ZC3H12B: variants seen among roughly 807,000 people sequenced by gnomAD.
The protein encoded by ZC3H12B is probable ribonuclease ZC3H12B.
ZC3H12B carries 7 observed loss-of-function variants against 43.9 expected under a neutral mutation model. That is an observed-to-expected ratio of 0.16 (90% CI 0.09 to 0.30). The LOEUF (loss-of-function observed/expected upper bound fraction) is 0.30. Among genes scored for constraint, ZC3H12B ranks in the 10% least tolerant of loss-of-function variants. The probability of loss-of-function intolerance (pLI) is 1.00; values close to 1 mark genes in which losing one functional copy is unlikely to be tolerated. For missense variants in ZC3H12B, 475 were observed against 670.2 expected (o/e 0.71, Z 3.22); for synonymous variants, 222 against 241.7 (o/e 0.92, Z 0.76).
intron 3 of ZC3H12B, among the ~76,000 whole-genome samples, chrX:65,417,305 C>T (rs2066973133): frequency 9.0e-6 from 1 of 111,621 alleles, no homozygotes; most frequent in African/African-American, 3.2e-5. Flanking sequence ...AGAATTTTTC[C>T]TTTGAGTGAA....
At chrX:65,453,978 G>T (rs1390797667) in intron 3 of ZC3H12B, among the ~76,000 whole-genome samples, 1 of 112,014 alleles carries the variant, frequency 8.9e-6, no homozygotes, top group Non-Finnish European at 1.9e-5. Flanking sequence ...CACTGCTCGG[G>T]TGATGAGTGC....
At chrX:65,438,682 G>A (rs960808087) in intron 3 of ZC3H12B, among the ~76,000 whole-genome samples, 10 of 113,254 alleles carry the variant, frequency 8.8e-5, no homozygotes, top group African/African-American at 3.2e-4. Flanking sequence ...GAAATGAAAG[G>A]ATGGGCCAAA....
At chrX:65,288,008 A>C in the ZC3H12B span, among the ~76,000 whole-genome samples, 4 of 108,499 alleles carry the variant, frequency 3.7e-5, no homozygotes, top group Non-Finnish European at 7.6e-5. Flanking sequence ...ATATATATAT[A>C]TCACCAGAGA....
chrX:65,413,481 G>A (rs2066927478), intron 3 of ZC3H12B, among the ~76,000 whole-genome samples: 1 of 110,850 alleles, frequency 9.0e-6, no homozygotes. Context: ...GTGAAGTAGG[G>A]GTCAAACTTT....
At chrX:65,107,717 C>T in the ZC3H12B span, among the ~76,000 whole-genome samples, 3 of 110,828 alleles carry the variant, frequency 2.7e-5, no homozygotes, top group Non-Finnish European at 5.7e-5. Flanking sequence ...AAGGGGCTTT[C>T]CCCCTACGGC....
the ZC3H12B span, among the ~76,000 whole-genome samples, chrX:65,361,238 A>T: frequency 8.9e-6 from 1 of 112,390 alleles, no homozygotes; most frequent in Non-Finnish European, 1.9e-5. Flanking sequence ...TTTGTGTTTG[A>T]TAATTTACTT....
At chrX:65,192,207 A>G in the ZC3H12B span, among the ~76,000 whole-genome samples, 1 of 109,237 alleles carries the variant, frequency 9.2e-6, no homozygotes, top group Non-Finnish European at 1.9e-5. Context: ...TGCTGAGGAG[A>G]GCTTTACTTC....
the ZC3H12B span, among the ~76,000 whole-genome samples, chrX:65,338,813 A>T: frequency 8.9e-6 from 1 of 112,121 alleles, no homozygotes; most frequent in East Asian, 2.8e-4. Flanking sequence ...AAAATCCAAC[A>T]TCTCTTTATG....
the ZC3H12B span, chrX:65,272,429 G>A: frequency 9.0e-6 from 1 of 111,553 alleles, no homozygotes; most frequent in Non-Finnish European, 1.9e-5. Flanking sequence ...TAAAACAATT[G>A]GAAACAAGCC....
chrX:65,080,461 G>GA, the ZC3H12B span, among the ~76,000 whole-genome samples: 1 of 110,678 alleles, frequency 9.0e-6, no homozygotes, highest in Non-Finnish European at 1.9e-5. Context: ...CAAGGATAAA[G>GA]AAAAAATCCT....
chrX:65,441,012 C>G (rs1444422286), intron 3 of ZC3H12B, among the ~76,000 whole-genome samples: 4 of 112,410 alleles, frequency 3.6e-5, no homozygotes, highest in African/African-American at 1.3e-4. Context: ...TAACCTTTGG[C>G]AGGAACTTTG....
At chrX:65,353,763 T>C in the ZC3H12B span, among the ~76,000 whole-genome samples, 1 of 111,427 alleles carries the variant, frequency 9.0e-6, no homozygotes, top group South Asian at 3.8e-4. Flanking sequence ...CCTGGGACAC[T>C]CGAGCTTGGT....
chrX:65,264,781 C>G, the ZC3H12B span, among the ~76,000 whole-genome samples: 7 of 111,757 alleles, frequency 6.3e-5, no homozygotes, highest in Non-Finnish European at 1.3e-4. Context: ...TGTCTGTGTA[C>G]TTTCCACCAT....
the ZC3H12B span, among the ~76,000 whole-genome samples, chrX:65,055,296 G>A: frequency 4.5e-5 from 5 of 111,627 alleles, no homozygotes; most frequent in Non-Finnish European, 9.4e-5. Flanking sequence ...TTAGCATAAA[G>A]GGCTGTTGAA....
At chrX:65,196,653 C>T in the ZC3H12B span, among the ~76,000 whole-genome samples, 1 of 110,980 alleles carries the variant, frequency 9.0e-6, no homozygotes, top group African/African-American at 3.3e-5. Context: ...GCAACAGGTC[C>T]CAGTAACAGC....
At chrX:65,232,720 A>G in the ZC3H12B span, among the ~76,000 whole-genome samples, 1 of 111,380 alleles carries the variant, frequency 9.0e-6, no homozygotes, top group Non-Finnish European at 1.9e-5. Context: ...ATAACAAAAT[A>G]GTGGTAGTAA....
intron 3 of ZC3H12B, among the ~76,000 whole-genome samples, chrX:65,464,241 GA>G (rs1356909108): frequency 4.5e-5 from 5 of 111,666 alleles, no homozygotes; most frequent in African/African-American, 1.6e-4. Context: ...GCTTCCCTGG[GA>G]TACTTTGACT....
intron 3 of ZC3H12B, among the ~76,000 whole-genome samples, chrX:65,454,154 G>A (rs1022625809): frequency 1.2e-4 from 13 of 112,724 alleles, no homozygotes; most frequent in Non-Finnish European, 2.4e-4. Context: ...AGGACAGTGG[G>A]TGCAGTGCAC....
intron 3 of ZC3H12B, among the ~76,000 whole-genome samples, chrX:65,454,980 A>G (rs2067585760): frequency 8.9e-6 from 1 of 112,005 alleles, no homozygotes; most frequent in Admixed American, 9.5e-5. Flanking sequence ...CCACCTGTAC[A>G]TTACCATCAT....
Sources: gnomAD v4.1 joint callset for allele counts (sites outside exome capture counted in the v4.1 genomes callset) on GRCh38, gnomAD v4.1.1 for gene constraint, MANE v1.5 for transcripts, NCBI Gene and HGNC (gene_info 2026-07-23, HGNC 2026-07-21) for gene names.